The following RGS7 variants were observed in gnomAD, a reference collection of about 807,000 sequenced individuals.
RGS7 encodes regulator of G-protein signaling 7.
RGS7 carries 27 observed loss-of-function variants against 81.1 expected under a neutral mutation model. That is an observed-to-expected ratio of 0.33 (90% CI 0.25 to 0.46). The LOEUF is 0.46. RGS7 is among the 20% of genes least tolerant of loss of function. RGS7 has a pLI of 1.00. For synonymous variants in RGS7, 208 were observed against 207.7 expected, an observed-to-expected ratio of 1.00 and a Z score of -0.01; for missense variants, 396 against 607.4, an observed-to-expected ratio of 0.65 and a Z score of 3.66.
chr1:240,776,283 T>C (rs1466361987), intron 18 of RGS7, 70 bp from the exon 19 acceptor site: 1 of 1,111,154 alleles, frequency 9.0e-7, no homozygotes, highest in East Asian at 2.4e-5. Flanking sequence ...TGCTTAGTAG[T>C]AGCAACTATT....
intron 2 of RGS7, among the ~76,000 whole-genome samples, chr1:241,137,698 G>A (rs2067620940): frequency 6.6e-6 from 1 of 152,184 alleles, no homozygotes; most frequent in Non-Finnish European, 1.5e-5. Flanking sequence ...GTGAGAAGCT[G>A]TTAAACAATG....
chr1:241,152,406 A>T (rs1167078796), intron 2 of RGS7, among the ~76,000 whole-genome samples: 1 of 152,240 alleles, frequency 6.6e-6, no homozygotes, highest in Non-Finnish European at 1.5e-5. Flanking sequence ...AAGACAGAGC[A>T]GTGGTATCCT....
chr1:240,841,768 C>T (rs1376737250), intron 9 of RGS7, among the ~76,000 whole-genome samples: 1 of 152,294 alleles, frequency 6.6e-6, no homozygotes, highest in East Asian at 1.9e-4. Context: ...GTCATTCAAC[C>T]TTAGCTCGAA....
chr1:241,238,198 C>T (rs139012785), intron 2 of RGS7, among the ~76,000 whole-genome samples: 1,597 of 152,180 alleles, frequency 0.01, 11 homozygotes, highest in Non-Finnish European at 0.016. Flanking sequence ...TAGGGCTGAC[C>T]GACCCAGACA....
chr1:240,982,422 CAAAAAAAAAAAAA>C (rs10567618), intron 4 of RGS7, among the ~76,000 whole-genome samples: 1 of 66,214 alleles, frequency 1.5e-5, no homozygotes, highest in East Asian at 4.6e-4. Context: ...AACTCTGCCT[CAAAAAAAAAAAAA>C]AAAAAAAAAA....
intron 2 of RGS7, among the ~76,000 whole-genome samples, chr1:241,205,179 C>T (rs139068428): frequency 3.3e-5 from 5 of 149,458 alleles, no homozygotes; most frequent in Non-Finnish European, 5.9e-5. Flanking sequence ...TGGGTTCAAG[C>T]GATTCTCCTG....
intron 9 of RGS7, among the ~76,000 whole-genome samples, chr1:240,858,310 T>G (rs1366904976): frequency 6.6e-6 from 1 of 152,198 alleles, no homozygotes; most frequent in Non-Finnish European, 1.5e-5. Context: ...TATAGGAAAC[T>G]CCCAAATTGT....
At chr1:241,032,128 A>AATCT (rs1304500607) in intron 3 of RGS7, among the ~76,000 whole-genome samples, 5 of 152,210 alleles carry the variant, frequency 3.3e-5, no homozygotes, top group Admixed American at 1.3e-4. Flanking sequence ...TTAAGTCTTT[A>AATCT]ATCTATCTTG....
At chr1:241,052,710 A>G (rs1314090306) in intron 3 of RGS7, among the ~76,000 whole-genome samples, 1 of 151,540 alleles carries the variant, frequency 6.6e-6, no homozygotes, top group Non-Finnish European at 1.5e-5. Context: ...ATTCCCCCCC[A>G]AAGTATTGAA....
intron 6 of RGS7, among the ~76,000 whole-genome samples, chr1:240,913,770 C>A (rs1483492202): frequency 1.3e-5 from 2 of 151,764 alleles, no homozygotes; most frequent in Admixed American, 1.3e-4. Flanking sequence ...GCAGTTATCC[C>A]AGAGCATCTG....
At chr1:240,999,518 G>C (rs1687807963) in intron 3 of RGS7, among the ~76,000 whole-genome samples, 1 of 152,148 alleles carries the variant, frequency 6.6e-6, no homozygotes, top group Admixed American at 6.6e-5. Flanking sequence ...TATTAACTCT[G>C]TCATCTCAAT....
At chr1:241,324,914 T>C (rs185756584) in intron 2 of RGS7, among the ~76,000 whole-genome samples, 4 of 152,346 alleles carry the variant, frequency 2.6e-5, no homozygotes, top group African/African-American at 9.6e-5. Context: ...TATTCTGTAT[T>C]TCTATTAAAA....
chr1:240,976,138 T>C (rs1013394133), intron 4 of RGS7, among the ~76,000 whole-genome samples: 1 of 152,208 alleles, frequency 6.6e-6, no homozygotes, highest in African/African-American at 2.4e-5. Context: ...AAGGGAGCAA[T>C]GGAGTTACTT....
At chr1:240,963,432 A>G (rs1341116190) in intron 4 of RGS7, among the ~76,000 whole-genome samples, 1 of 152,210 alleles carries the variant, frequency 6.6e-6, no homozygotes, top group Non-Finnish European at 1.5e-5. Context: ...CAAAACCCTG[A>G]AAGTTAAGAG....
In RGS7 at chr1:240,814,785, G is replaced by C. The variant is rs1250212958; in HGVS notation, c.784-8C>G. The C allele has an allele frequency of 6.4e-7, 1 of 1,554,540 alleles. No individual in the cohort carries two copies. Among genetic ancestry groups the C allele is most frequent in the Non-Finnish European group, 8.9e-7 (1 of 1,126,348 alleles). ...TATTTGCCAATATTTTATCTGAAAA[G>C]AGGGTTAGAGAAGGAGTTACATAAG... On this transcript the variant is annotated splice_region_variant and splice_polypyrimidine_tract_variant and intron_variant, in intron 11 of 18. Transcript: ENST00000440928.
At chr1:240,826,910 G>A (rs954080433) in intron 10 of RGS7, among the ~76,000 whole-genome samples, 188 bp downstream of exon 10, 6 of 152,044 alleles carry the variant, frequency 3.9e-5, no homozygotes, top group African/African-American at 1.5e-4. Context: ...CATGACCACC[G>A]CTCTGTCTTG....
At chr1:241,180,334 C>T (rs987783266) in intron 2 of RGS7, among the ~76,000 whole-genome samples, 1 of 151,914 alleles carries the variant, frequency 6.6e-6, no homozygotes, top group African/African-American at 2.4e-5. Flanking sequence ...GAGATGGCGC[C>T]ACTGCACTCC....
intron 3 of RGS7, among the ~76,000 whole-genome samples, chr1:241,041,464 T>C (rs1332702577): frequency 6.6e-6 from 1 of 152,108 alleles, no homozygotes; most frequent in Non-Finnish European, 1.5e-5. Flanking sequence ...CTTTCTCTCA[T>C]GAGTATTTTA....
intron 2 of RGS7, among the ~76,000 whole-genome samples, chr1:241,252,506 A>G (rs762808651): frequency 2.0e-5 from 3 of 152,190 alleles, no homozygotes; most frequent in Non-Finnish European, 4.4e-5. Flanking sequence ...TTTCTTTGAG[A>G]AACATCACTA....
Sources: gnomAD v4.1 joint callset for allele counts (sites outside exome capture counted in the v4.1 genomes callset) on GRCh38, gnomAD v4.1.1 for gene constraint, MANE v1.5 for transcripts, NCBI Gene and HGNC (gene_info 2026-07-23, HGNC 2026-07-21) for gene names.